Variants in SPATA16 observed in about 807,000 individuals in gnomAD.
The protein encoded by SPATA16 is spermatogenesis associated 16.
A neutral mutation model predicts 63.3 loss-of-function variants in SPATA16; 36 were observed. The ratio of observed to expected loss-of-function variants is 0.57; its 90% CI spans 0.44 to 0.75. The LOEUF is 0.75. Among genes scored for constraint, SPATA16 ranks in the 30% least tolerant of loss-of-function variants. The pLI is 0.00. For missense variants in SPATA16, 646 were observed against 679.3 expected (o/e 0.95, Z 0.54); for synonymous variants, 203 against 216.7 (o/e 0.94, Z 0.56).
intron 5 of SPATA16, among the ~76,000 whole-genome samples, chr3:172,968,226 A>T (rs565344262): frequency 2.6e-5 from 4 of 152,204 alleles, no homozygotes; most frequent in Non-Finnish European, 5.9e-5. Flanking sequence ...GCATATTCTG[A>T]GGCACTGGCA....
At chr3:172,953,028 C>A (rs1733479146) in intron 6 of SPATA16, among the ~76,000 whole-genome samples, 1 of 151,464 alleles carries the variant, frequency 6.6e-6, no homozygotes, top group Non-Finnish European at 1.5e-5. Flanking sequence ...TATTCCCAAA[C>A]TGCTCTGTTT....
intron 6 of SPATA16, among the ~76,000 whole-genome samples, chr3:172,941,726 C>T (rs755355388): frequency 2.5e-4 from 38 of 151,678 alleles, no homozygotes; most frequent in Non-Finnish European, 5.2e-4. Context: ...AACTGAAATG[C>T]GAGAAAAAAT....
chr3:172,977,099 G>A lies in SPATA16; in HGVS notation c.849-47C>T, dbSNP rs893909872. 2.0e-6 allele frequency: 3 copies of A among 1,490,474 alleles called. No individual in the cohort carries two copies. The African/African-American group carries it at 4.1e-5, about 21-fold the overall frequency. The allele number at this position is 1,490,474 out of a possible 1,614,324, so 92.3% of individuals were successfully genotyped here. On this transcript the variant is annotated intron_variant, in intron 4 of 10. Transcript: ENST00000351008. ...AAAAAAAACAAAAACAAATGTATAG[G>A]ACAGAAGGAAAACCATAACAGGCAC...
At chr3:173,130,358 CAAAAA>C (rs1202660573) in intron 1 of SPATA16, among the ~76,000 whole-genome samples, 36 of 39,912 alleles carry the variant, frequency 9.0e-4, no homozygotes, top group African/African-American at 2.3e-3. Context: ...GACTTCGTCT[CAAAAA>C]AAAAAAAAAA....
chr3:173,050,928 C>CCTG (rs1736073056), intron 2 of SPATA16, among the ~76,000 whole-genome samples: 1 of 152,026 alleles, frequency 6.6e-6, no homozygotes, highest in African/African-American at 2.4e-5. Context: ...AGAATCTGAC[C>CCTG]TCAGAAGTGT....
At chr3:173,029,614 C>T (rs1216605729) in intron 3 of SPATA16, among the ~76,000 whole-genome samples, 3 of 151,848 alleles carry the variant, frequency 2.0e-5, no homozygotes, top group African/African-American at 7.3e-5. Flanking sequence ...TAGGGGGAAA[C>T]AGTACACCTG....
chr3:173,033,282 G>A (rs575403167), intron 3 of SPATA16, among the ~76,000 whole-genome samples: 2 of 152,078 alleles, frequency 1.3e-5, no homozygotes, highest in East Asian at 3.9e-4. Flanking sequence ...TAGAGTGAAC[G>A]TGAAATAAAT....
intron 10 of SPATA16, among the ~76,000 whole-genome samples, chr3:172,895,902 G>C (rs1447567669): frequency 6.7e-6 from 1 of 149,964 alleles, no homozygotes; most frequent in Non-Finnish European, 1.5e-5. Flanking sequence ...TTTGTATACA[G>C]GTCTTTGTTT....
chr3:172,946,665 C>G (rs1470757698), intron 6 of SPATA16, among the ~76,000 whole-genome samples: 6 of 152,182 alleles, frequency 3.9e-5, no homozygotes, highest in Non-Finnish European at 8.8e-5. Flanking sequence ...GGTGCCAGCT[C>G]AGCCACGTAG....
rs767827262 is a variant in SPATA16, at chr3:173,134,917, T to A, written c.-19+6186A>T. On this transcript the variant is annotated intron_variant, in intron 1 of 10. Transcript: ENST00000351008. ...TTTTAAAAGAAAATGGATGATTTTA[T>A]GACTTGGATAGGCAAGGATTTCTTG... Among the ~76,000 whole-genome samples, 97 of 152,348 alleles carry A rather than the reference T, an allele frequency of 6.4e-4. 1 individual carries two copies. The highest frequency in any genetic ancestry group is 3.4e-3 in the Middle Eastern group (1 of 294).
chr3:172,934,924 C>A (rs1485658040), intron 6 of SPATA16, among the ~76,000 whole-genome samples: 1 of 151,992 alleles, frequency 6.6e-6, no homozygotes, highest in Non-Finnish European at 1.5e-5. Context: ...TCCTGTTAAC[C>A]TCAGAAACAA....
At chr3:172,893,019 A>G (rs1731926837) in intron 10 of SPATA16, among the ~76,000 whole-genome samples, 1 of 152,250 alleles carries the variant, frequency 6.6e-6, no homozygotes, top group Admixed American at 6.5e-5. Context: ...GTAGGAGGGC[A>G]GGTTCTGACC....
At chr3:172,911,079 AC>A (rs2109558960) in intron 10 of SPATA16, among the ~76,000 whole-genome samples, 1 of 152,328 alleles carries the variant, frequency 6.6e-6, no homozygotes, top group Admixed American at 6.5e-5. Context: ...GAAAGAAGGG[AC>A]TTGCTTCTTC....
intron 4 of SPATA16, among the ~76,000 whole-genome samples, chr3:172,983,995 T>C (rs1734383839): frequency 6.7e-6 from 1 of 150,058 alleles, no homozygotes; most frequent in South Asian, 2.2e-4. Flanking sequence ...CAGAACCTTG[T>C]CCTTTTTCTA....
chr3:172,996,264 T>A (rs964945473), intron 4 of SPATA16, among the ~76,000 whole-genome samples: 5 of 152,130 alleles, frequency 3.3e-5, no homozygotes, highest in Non-Finnish European at 5.9e-5. Context: ...CTTAATCACT[T>A]ATTATTATTA....
intron 2 of SPATA16, among the ~76,000 whole-genome samples, chr3:173,095,373 A>T (rs528947442): frequency 1.0e-3 from 155 of 152,266 alleles, no homozygotes; most frequent in African/African-American, 3.6e-3. Context: ...AAAACTATTA[A>T]TTTTTTGTTG....
intron 6 of SPATA16, among the ~76,000 whole-genome samples, chr3:172,939,599 C>A (rs1028167784): frequency 3.3e-5 from 5 of 152,154 alleles, no homozygotes; most frequent in African/African-American, 1.2e-4. Flanking sequence ...GTTGGTGAAG[C>A]CCTAACACAG....
intron 10 of SPATA16, among the ~76,000 whole-genome samples, chr3:172,911,614 A>C (rs949843399): frequency 6.6e-6 from 1 of 152,172 alleles, no homozygotes; most frequent in Non-Finnish European, 1.5e-5. Flanking sequence ...TTCTAAAGGC[A>C]TTTATATTCT....
chr3:173,047,861 A>G (rs1203644079), intron 3 of SPATA16, among the ~76,000 whole-genome samples: 1 of 151,946 alleles, frequency 6.6e-6, no homozygotes, highest in African/African-American at 2.4e-5. Context: ...TAAGAGGGAG[A>G]ATGGCTTTCA....
Sources: allele counts gnomAD v4.1 joint callset (sites outside exome capture counted in the v4.1 genomes callset), GRCh38; gene constraint gnomAD v4.1.1; transcripts MANE v1.5; gene names NCBI Gene and HGNC (gene_info 2026-07-23, HGNC 2026-07-21).